Variants in RYR3 observed in about 807,000 individuals in gnomAD.
The protein encoded by RYR3 is brain ryanodine receptor-calcium release channel.
RYR3 carries 207 observed loss-of-function variants against 584.3 expected under a neutral mutation model. The ratio of observed to expected loss-of-function variants is 0.35; its 90% CI spans 0.32 to 0.40. The LOEUF is 0.40. Among genes scored for constraint, RYR3 ranks in the 10% least tolerant of loss-of-function variants. The pLI, the probability that RYR3 is intolerant of heterozygous loss-of-function variation, is 1.00. For synonymous variants in RYR3, 2,416 were observed against 2,248.5 expected (o/e 1.07, Z -2.11); for missense variants, 5,616 against 6,089.2 (o/e 0.92, Z 2.59).
intron 27 of RYR3, among the ~76,000 whole-genome samples, chr15:33,641,846 G>C (rs946892108): frequency 6.6e-6 from 1 of 152,078 alleles, no homozygotes. Context: ...TGCCCCACAG[G>C]GACAACACTT....
intron 43 of RYR3, among the ~76,000 whole-genome samples, chr15:33,709,240 G>A (rs552973050): frequency 2.3e-4 from 35 of 152,152 alleles, no homozygotes; most frequent in Non-Finnish European, 3.4e-4. Context: ...TACAATAAAA[G>A]TAAGTGGAGT....
At position 33,320,883 on chromosome 15, in the gene RYR3, T is replaced by C. The variant is rs577211413; in HGVS notation, c.51+9787T>C. Among the ~76,000 whole-genome samples the C allele has an allele frequency of 2.0e-5, 3 of 152,358 alleles. No individual in the cohort carries two copies. The South Asian group carries it at 6.2e-4, about 32-fold the overall frequency. On this transcript the variant is annotated intron_variant, in intron 1 of 103. Coordinates refer to ENST00000634891, the MANE Select transcript of RYR3 (RefSeq NM_001036.6). The stretch of plus-strand genomic sequence containing the variant: ...ATGTCATTGCACAGTCATTTTATTA[T>C]TGGAAAGTACAAAGGGACAATCCCC...
chr15:33,331,441 TTAAG>T (rs1475778076), intron 1 of RYR3, among the ~76,000 whole-genome samples: 1 of 152,174 alleles, frequency 6.6e-6, no homozygotes. Context: ...TTTGGTTTAA[TTAAG>T]TAATTTTTGG....
At chr15:33,785,535 C>A in intron 65 of RYR3, 127 bp from the exon 66 acceptor site, 1 of 750,410 alleles carries the variant, frequency 1.3e-6, no homozygotes, top group Non-Finnish European at 2.1e-6. Flanking sequence ...ACTCCACATC[C>A]AAGCTCACTG....
intron 63 of RYR3, among the ~76,000 whole-genome samples, chr15:33,772,715 A>T (rs1298307202): frequency 6.6e-6 from 1 of 152,174 alleles, no homozygotes; most frequent in African/African-American, 2.4e-5. Context: ...TACACTTTAA[A>T]TATTGGGACA....
chr15:33,662,778 A>T lies in RYR3; in HGVS notation c.5248A>T (p.Ile1750Phe), dbSNP rs759365540. 6.2e-7 allele frequency: 1 copy of T among 1,613,968 alleles called. No individual in the cohort carries two copies. Among genetic ancestry groups the T allele is most frequent in the Non-Finnish European group, 8.5e-7 (1 of 1,179,916 alleles). Residue 1750 changes from isoleucine to phenylalanine, a missense_variant, in exon 35 of 104, where the codon ATT (isoleucine) becomes TTT (phenylalanine). Physicochemically the swap from Ile to Phe is conservative, Grantham distance 21. Around this residue, in one of 9 missense-constraint regions of RYR3, gnomAD observed 753 missense variants for 741.0 expected, o/e 1.02. Coordinates refer to ENST00000634891, the MANE Select transcript of RYR3 (RefSeq NM_001036.6). ...DDDVRQILLL[I>F]DPSVFGEHSA... ...TGATGTTCGGCAGATCCTCCTCCTGATTGATCCCTCTGTGTTTGGGGAGCA... is the reference window on the plus strand; with the variant it reads ...TGATGTTCGGCAGATCCTCCTCCTGTTTGATCCCTCTGTGTTTGGGGAGCA...
intron 70 of RYR3, among the ~76,000 whole-genome samples, chr15:33,808,594 T>C (rs2076334251): frequency 6.6e-6 from 1 of 152,216 alleles, no homozygotes; most frequent in Admixed American, 6.5e-5. Context: ...GGTTCTATGT[T>C]TTATGGATGA....
intron 38 of RYR3, among the ~76,000 whole-genome samples, chr15:33,678,911 G>A (rs1208982375): frequency 1.3e-5 from 2 of 152,160 alleles, no homozygotes; most frequent in African/African-American, 2.4e-5. Context: ...CAACATCCTT[G>A]TTCTAGCAAA....
In RYR3 at chr15:33,566,681, A is replaced by T. The variant is rs2057734051; in HGVS notation, c.1150A>T (p.Ile384Leu). Reference sequence around the variant, plus strand: ...CCGTCCCTTGCCCTGTGGGTAGGTCATACTCCATCAGGAAGGCCACATGGA... The same window carrying T: ...CCGTCCCTTGCCCTGTGGGTAGGTCTTACTCCATCAGGAAGGCCACATGGA... ...SRLGPLKRKV[I>L]LHQEGHMDDG... is the part of the protein sequence containing the mutation. The change falls in exon 12 of 104, where the codon ATA becomes TTA. Residue 384 changes from isoleucine (I) to leucine (L), a missense_variant. By Grantham distance (5) the Ile-to-Leu change is conservative. Coordinates refer to ENST00000634891, the MANE Select transcript of RYR3 (RefSeq NM_001036.6). 1 of 1,613,618 alleles carries T rather than the reference A, an allele frequency of 6.2e-7. No homozygotes were observed. The highest frequency in any genetic ancestry group is 1.3e-5 in the African/African-American group (1 of 74,918).
At chr15:33,649,283 C>T (rs751611037) in intron 31 of RYR3, 48 bp downstream of exon 31, 14 of 1,558,668 alleles carry the variant, frequency 9.0e-6, no homozygotes, top group African/African-American at 1.4e-5. Flanking sequence ...CTTCTCAGTC[C>T]CTCCCCCCAG....
intron 90 of RYR3, 36 bp from the exon 91 acceptor site, chr15:33,841,828 C>T (rs745654644): frequency 2.8e-5 from 44 of 1,565,706 alleles, no homozygotes; most frequent in East Asian, 7.1e-5. Context: ...ACCGCCCTCC[C>T]GTCTGCCCTG....
At chr15:33,859,878 C>T (rs950389176) in intron 100 of RYR3, 147 bp downstream of exon 100, 1 of 899,872 alleles carries the variant, frequency 1.1e-6, no homozygotes, top group South Asian at 1.8e-5. Context: ...ATCTACTATA[C>T]CTGAGGCTTT....
intron 44 of RYR3, 58 bp from the exon 45 acceptor site, chr15:33,724,007 C>T (rs1442608473): frequency 2.2e-6 from 2 of 897,902 alleles, no homozygotes; most frequent in Admixed American, 1.9e-5. Flanking sequence ...GCTTATGTCT[C>T]GCAGCATGGC....
chr15:33,468,246 A>G (rs148017649), intron 1 of RYR3, among the ~76,000 whole-genome samples: 1 of 152,348 alleles, frequency 6.6e-6, no homozygotes, highest in African/African-American at 2.4e-5. Flanking sequence ...ATAACATGGT[A>G]GCACATGGTG....
chr15:33,444,390 T>C (rs973030000), intron 1 of RYR3, among the ~76,000 whole-genome samples: 2 of 152,176 alleles, frequency 1.3e-5, no homozygotes, highest in African/African-American at 4.8e-5. Context: ...AATAGGAAAA[T>C]GTAAGTGCCT....
chr15:33,811,129 T>C, intron 72 of RYR3, 92 bp downstream of exon 72: 3 of 1,054,406 alleles, frequency 2.8e-6, no homozygotes, highest in East Asian at 2.6e-5. Flanking sequence ...ATGCTTCTTA[T>C]ATGTGTTCCA....
At position 33,632,979 on chromosome 15, in the gene RYR3, C is replaced by T. The variant is rs1006285035; in HGVS notation, c.2898C>T (p.Ala966=). Residue 966 remains alanine (A), a synonymous_variant, in exon 24 of 104, where the codon GCC becomes GCT. Transcript: ENST00000634891. ...TGATGTCCAACGGCTATAAGCCAGC[C>T]CCTTTGGATTTGTCTGATGTGAAGC... ...NYMMSNGYKP[A]PLDLSDVKLL... 1 of 1,613,716 alleles carries T rather than the reference C, an allele frequency of 6.2e-7. No homozygotes were observed. The highest frequency in any genetic ancestry group is 8.5e-7 in the Non-Finnish European group (1 of 1,179,760).
At chr15:33,573,564 C>T (rs2058144707) in intron 12 of RYR3, among the ~76,000 whole-genome samples, 1 of 152,218 alleles carries the variant, frequency 6.6e-6, no homozygotes. Flanking sequence ...GGAAAAGATA[C>T]TGTCAGCTGT....
At chr15:33,843,778 T>C in intron 92 of RYR3, among the ~76,000 whole-genome samples, 1 of 152,198 alleles carries the variant, frequency 6.6e-6, no homozygotes, top group East Asian at 1.9e-4. Context: ...GAGGGGACTA[T>C]TTCAATAGTT....
Sources: allele counts gnomAD v4.1 joint callset (sites outside exome capture counted in the v4.1 genomes callset), GRCh38; gene constraint gnomAD v4.1.1; regional missense constraint gnomAD v4.1.1; transcripts MANE v1.5; gene names NCBI Gene and HGNC (gene_info 2026-07-23, HGNC 2026-07-21).